CCDC186: variants seen among roughly 807,000 people sequenced by gnomAD.
CCDC186 encodes the protein coiled-coil domain-containing protein 186.
A neutral mutation model predicts 113.7 loss-of-function variants in CCDC186; 49 were observed. That is an observed-to-expected ratio of 0.43 (90% CI 0.34 to 0.55). The LOEUF (loss-of-function observed/expected upper bound fraction) is 0.55. Among genes scored for constraint, CCDC186 ranks in the 20% least tolerant of loss-of-function variants. The probability of loss-of-function intolerance (pLI) is 0.02; values close to 1 mark genes in which losing one functional copy is unlikely to be tolerated. For missense variants in CCDC186, 890 were observed against 1,011.1 expected (o/e 0.88, Z 1.62); for synonymous variants, 355 against 345.8 (o/e 1.03, Z -0.30).
intron 13 of CCDC186, 39 bp from the exon 14 acceptor site, chr10:114,127,710 T>A (rs2030952132): frequency 1.3e-6 from 2 of 1,505,726 alleles, no homozygotes; most frequent in Non-Finnish European, 1.8e-6. Flanking sequence ...CTGTGCTTAA[T>A]CTAACATCAC....
chr10:114,157,774 A>G (rs2032055203), intron 2 of CCDC186, 94 bp from the exon 3 acceptor site: 2 of 903,168 alleles, frequency 2.2e-6, no homozygotes, highest in South Asian at 1.7e-5. Flanking sequence ...CAGGGTACAG[A>G]TATCTATAAT....
intron 6 of CCDC186, among the ~76,000 whole-genome samples, chr10:114,140,607 G>A (rs1311739166): frequency 6.6e-6 from 1 of 152,146 alleles, no homozygotes; most frequent in East Asian, 1.9e-4. Context: ...TATGAATCTG[G>A]AGTTCTGGGT....
chr10:114,147,295 T>C (rs2031675258), intron 4 of CCDC186, among the ~76,000 whole-genome samples: 1 of 152,142 alleles, frequency 6.6e-6, no homozygotes, highest in African/African-American at 2.4e-5. Context: ...ACAAACATTA[T>C]AATATGAAAA....
Position 114,174,162 on chromosome 10 carries a change from C to G in CCDC186, c.-209G>C, listed in dbSNP as rs1168982220. The G allele has an allele frequency of 3.0e-5, 14 of 467,008 alleles. No individual in the cohort carries two copies. The highest frequency in any genetic ancestry group is 5.8e-5 in the Non-Finnish European group (13 of 224,210). The allele number at this position is 467,008 out of a possible 1,614,324, so 28.9% of individuals were successfully genotyped here. The stretch of plus-strand genomic sequence containing the variant: ...CACAGCCGACGCCTCACTCAGCGGC[C>G]GTTTCCCCAAACCCCTGCGGAGCTG... On this transcript the variant is annotated 5_prime_UTR_variant, in exon 1 of 16. Transcript: ENST00000369287.
chr10:114,145,765 C>CA lies in CCDC186; in HGVS notation c.889-5dup. 11 of 1,563,522 alleles carry CA rather than the reference C, an allele frequency of 7.0e-6. No homozygotes were observed. Among genetic ancestry groups the CA allele is most frequent in the South Asian group, 1.2e-5 (1 of 82,422 alleles). On this transcript the variant is annotated splice_region_variant and splice_polypyrimidine_tract_variant and intron_variant, in intron 4 of 15. Coordinates refer to ENST00000369287, the MANE Select transcript of CCDC186 (RefSeq NM_018017.4). ...CCTCTTCACATTTCTTGTTGGCCTTCAAAAAAAATATTACTTAGCATTAAT... is the reference window on the plus strand; with the variant it reads ...CCTCTTCACATTTCTTGTTGGCCTTCAAAAAAAAATATTACTTAGCATTAAT...
Position 114,134,997 on chromosome 10 carries a change from T to G in CCDC186, c.1571A>C (p.Glu524Ala), listed in dbSNP as rs2031209461. 6.2e-7 allele frequency: 1 copy of G among 1,611,988 alleles called. No homozygotes were observed. Among genetic ancestry groups the G allele is most frequent in the African/African-American group, 1.3e-5 (1 of 74,882 alleles). The change falls in exon 10 of 16, where the codon GAA becomes GCA. Residue 524 changes from glutamate to alanine, a missense_variant. Coordinates refer to ENST00000369287, the MANE Select transcript of CCDC186 (RefSeq NM_018017.4). ...TTCAGCTTTTTGGCGATTAATAATTTCCTTATATTTTGATAATTCATCTTC... is the reference window on the plus strand; with the variant it reads ...TTCAGCTTTTTGGCGATTAATAATTGCCTTATATTTTGATAATTCATCTTC... Reference protein sequence around the residue: ...RTEDELSKYKEIINRQKAEIQ... With the variant: ...RTEDELSKYKAIINRQKAEIQ...
At chr10:114,166,165 T>C (rs1177775188) in intron 1 of CCDC186, among the ~76,000 whole-genome samples, 1 of 152,212 alleles carries the variant, frequency 6.6e-6, no homozygotes, top group Non-Finnish European at 1.5e-5. Flanking sequence ...TTCACGTTTA[T>C]ACCCAGATTT....
intron 2 of CCDC186, among the ~76,000 whole-genome samples, chr10:114,158,000 C>G (rs2032060516): frequency 6.6e-6 from 1 of 152,214 alleles, no homozygotes; most frequent in African/African-American, 2.4e-5. Context: ...AGCACTGGCA[C>G]TCTTCAAATA....
At chr10:114,156,821 C>G (rs1320645693) in intron 3 of CCDC186, among the ~76,000 whole-genome samples, 2 of 152,122 alleles carry the variant, frequency 1.3e-5, no homozygotes, top group African/African-American at 2.4e-5. Context: ...TGACAGCCAG[C>G]CTTCACAATA....
chr10:114,157,710 A>G (rs766822888), intron 2 of CCDC186, 30 bp from the exon 3 acceptor site: 2 of 1,505,986 alleles, frequency 1.3e-6, no homozygotes, highest in Non-Finnish European at 1.8e-6. Context: ...TGTATGTAAA[A>G]CATAATTTAA....
At chr10:114,155,273 A>C (rs2031976839) in intron 3 of CCDC186, among the ~76,000 whole-genome samples, 1 of 152,262 alleles carries the variant, frequency 6.6e-6, no homozygotes, top group African/African-American at 2.4e-5. Context: ...TAAATCTTAT[A>C]GTACACATAT....
intron 4 of CCDC186, among the ~76,000 whole-genome samples, chr10:114,149,794 AAGGAAGGAAGGAAGGAAGGAAGGC>A (rs1564912994): frequency 1.3e-3 from 58 of 45,904 alleles, no homozygotes; most frequent in Middle Eastern, 0.023. Flanking sequence ...GGCAGGAAGG[AAGGAAGGAAGGAAGGAAGGAAGGC>A]AGGAAGGCAG....
chr10:114,153,290 G>T (rs1038066923), intron 3 of CCDC186, among the ~76,000 whole-genome samples: 2 of 152,076 alleles, frequency 1.3e-5, no homozygotes, highest in Non-Finnish European at 2.9e-5. Context: ...TGAGACCTCA[G>T]TAACAGAAAG....
intron 13 of CCDC186, among the ~76,000 whole-genome samples, chr10:114,128,152 T>C (rs1232589934): frequency 2.0e-5 from 3 of 152,178 alleles, no homozygotes; most frequent in Admixed American, 6.6e-5. Context: ...TAAAATGGCA[T>C]AAATGATATT....
intron 6 of CCDC186, among the ~76,000 whole-genome samples, chr10:114,138,602 T>C (rs1308144741): frequency 7.2e-5 from 11 of 152,124 alleles, no homozygotes; most frequent in Admixed American, 7.2e-4. Context: ...ACCATTCTCC[T>C]AAGATGGCAA....
intron 14 of CCDC186, among the ~76,000 whole-genome samples, chr10:114,126,823 C>T (rs1433435666): frequency 6.6e-6 from 1 of 152,100 alleles, no homozygotes; most frequent in Admixed American, 6.5e-5. Context: ...AAAAGGCCCA[C>T]AATATAAAAA....
At chr10:114,152,735 T>C (rs748489386) in intron 3 of CCDC186, among the ~76,000 whole-genome samples, 2 of 152,138 alleles carry the variant, frequency 1.3e-5, no homozygotes, top group Non-Finnish European at 2.9e-5. Context: ...GATTCAACTA[T>C]ATGTTGTCTA....
At chr10:114,147,061 C>A (rs2031660673) in intron 4 of CCDC186, among the ~76,000 whole-genome samples, 2 of 152,176 alleles carry the variant, frequency 1.3e-5, no homozygotes, top group East Asian at 3.8e-4. Flanking sequence ...TAACAATGTG[C>A]TTGTAGACAA....
intron 12 of CCDC186, chr10:114,130,713 ATC>A (rs1408703458): frequency 6.6e-6 from 1 of 152,380 alleles, no homozygotes; most frequent in African/African-American, 2.4e-5. Context: ...AAAAGAAGAT[ATC>A]AGAACTGCTA....
Sources: allele counts gnomAD v4.1 joint callset (sites outside exome capture counted in the v4.1 genomes callset), GRCh38; gene constraint gnomAD v4.1.1; transcripts MANE v1.5; gene names NCBI Gene and HGNC (gene_info 2026-07-23, HGNC 2026-07-21).